SDK1: variants seen among roughly 807,000 people sequenced by gnomAD.
SDK1 encodes protein sidekick-1.
In SDK1, 157 loss-of-function variants were observed where a neutral mutation model predicts 245.5. That is an observed-to-expected ratio of 0.64 (90% CI 0.56 to 0.73). SDK1 has a LOEUF of 0.73. SDK1 is among the 30% of genes least tolerant of loss of function. The pLI is 0.00. For synonymous variants in SDK1, 1,647 were observed against 1,278.5 expected, an observed-to-expected ratio of 1.29 and a Z score of -6.15; for missense variants, 3,583 against 3,002.3, an observed-to-expected ratio of 1.19 and a Z score of -4.52.
chr7:3,564,246 CATGAT>C (rs1464685030), intron 1 of SDK1, among the ~76,000 whole-genome samples: 1 of 152,014 alleles, frequency 6.6e-6, no homozygotes, highest in Admixed American at 6.5e-5. Context: ...TAACACCTGA[CATGAT>C]AGAGAAGGTT....
rs1782309307 is a variant in SDK1, at chr7:3,969,333, GC to G, written c.1626del (p.Val543SerfsTer20). On this transcript the variant is annotated frameshift_variant, in exon 11 of 45. Transcript: ENST00000404826. LOFTEE classifies it high-confidence loss of function. ...TTGAATCGGGGGGTCTACAGATCGC[GC>G]CCGTCTTCATCCAGGATGCCGGCAA... ...LLESGGLQIA[P>X]VFIQDAGNYT... The G allele has an allele frequency of 6.2e-7, 1 of 1,610,860 alleles. No individual in the cohort carries two copies.
intron 1 of SDK1, among the ~76,000 whole-genome samples, chr7:3,414,301 G>T (rs1779299591): frequency 6.6e-6 from 1 of 152,106 alleles, no homozygotes. Context: ...TGGAGAATGT[G>T]ACGGAATGGA....
chr7:3,631,354 C>G (rs565703430), intron 2 of SDK1, among the ~76,000 whole-genome samples: 1 of 152,114 alleles, frequency 6.6e-6, no homozygotes, highest in African/African-American at 2.4e-5. Flanking sequence ...ATCACCCAAC[C>G]TAATTGTGTG....
chr7:4,090,540 G>T (rs1456291255), intron 22 of SDK1, among the ~76,000 whole-genome samples: 3 of 152,250 alleles, frequency 2.0e-5, no homozygotes, highest in South Asian at 2.1e-4. Context: ...TGGCGATTTG[G>T]GGGTGGCGGG....
intron 1 of SDK1, among the ~76,000 whole-genome samples, chr7:3,370,598 G>A (rs1223127912): frequency 3.9e-5 from 6 of 152,120 alleles, no homozygotes; most frequent in African/African-American, 7.2e-5. Flanking sequence ...CCAAATTCTC[G>A]TTAAAACGTC....
At chr7:3,458,551 G>C (rs536245832) in intron 1 of SDK1, among the ~76,000 whole-genome samples, 5 of 140,802 alleles carry the variant, frequency 3.6e-5, no homozygotes, top group Non-Finnish European at 6.2e-5. Context: ...GTACTTTTTT[G>C]TACCTTTTCT....
chr7:3,657,965 A>T (rs1783241094), intron 4 of SDK1, among the ~76,000 whole-genome samples: 2 of 152,158 alleles, frequency 1.3e-5, no homozygotes, highest in African/African-American at 2.4e-5. Context: ...GTTTATGACA[A>T]AGTGGGTCTC....
chr7:3,600,171 T>C (rs1339558766), intron 1 of SDK1, among the ~76,000 whole-genome samples: 1 of 152,320 alleles, frequency 6.6e-6, no homozygotes, highest in East Asian at 1.9e-4. Flanking sequence ...TATATCATTC[T>C]CTTTGGAGTG....
chr7:3,576,781 C>T (rs1043160795), intron 1 of SDK1, among the ~76,000 whole-genome samples: 4 of 151,960 alleles, frequency 2.6e-5, no homozygotes, highest in Non-Finnish European at 5.9e-5. Flanking sequence ...CATTTTGTTC[C>T]TGATGCTTCC....
rs140015164 is a variant in SDK1 at position 4,154,338 on chromosome 7, A to G, written c.4626-4110A>G. ...CAAGTTCAGAGAGTGAGGGTCCTGT[A>G]TTACCCAAATTATTTATTTCCTGAG... On this transcript the variant is annotated intron_variant, in intron 30 of 44. Coordinates refer to ENST00000404826, the MANE Select transcript of SDK1 (RefSeq NM_152744.4). Among the ~76,000 whole-genome samples, 915 of 152,318 alleles carry G rather than the reference A, an allele frequency of 6.0e-3. 28 individuals are homozygous for G. The highest frequency in any genetic ancestry group is 1.7e-3 in the Non-Finnish European group (114 of 68,036).
chr7:3,647,101 T>A (rs1282144664), intron 4 of SDK1, among the ~76,000 whole-genome samples: 1 of 152,180 alleles, frequency 6.6e-6, no homozygotes, highest in African/African-American at 2.4e-5. Flanking sequence ...ATAATTAATC[T>A]TAGGCCACGG....
At chr7:3,522,151 A>C (rs928712908) in intron 1 of SDK1, among the ~76,000 whole-genome samples, 1 of 152,100 alleles carries the variant, frequency 6.6e-6, no homozygotes, top group Admixed American at 6.6e-5. Context: ...ATTGTATACA[A>C]TAACTTTTTT....
chr7:3,471,418 C>T (rs1415507895), intron 1 of SDK1, among the ~76,000 whole-genome samples: 1 of 152,050 alleles, frequency 6.6e-6, no homozygotes, highest in Non-Finnish European at 1.5e-5. Context: ...TTATCATCTC[C>T]TGATATTGTA....
intron 19 of SDK1, among the ~76,000 whole-genome samples, chr7:4,062,081 A>T (rs1312538150): frequency 6.6e-6 from 1 of 151,796 alleles, no homozygotes; most frequent in African/African-American, 2.4e-5. Context: ...ATGTATACAT[A>T]TGTAACTAAC....
chr7:3,333,389 C>T (rs1780118770), intron 1 of SDK1, among the ~76,000 whole-genome samples: 1 of 152,084 alleles, frequency 6.6e-6, no homozygotes, highest in African/African-American at 2.4e-5. Flanking sequence ...CATTTCATAA[C>T]CTTATGTTGC....
chr7:4,048,039 A>G (rs1789147318), intron 17 of SDK1, among the ~76,000 whole-genome samples: 1 of 152,124 alleles, frequency 6.6e-6, no homozygotes, highest in Non-Finnish European at 1.5e-5. Context: ...CATGCCTGGG[A>G]AGAGAAGACT....
At chr7:4,211,186 C>T (rs1172344835) in intron 38 of SDK1, among the ~76,000 whole-genome samples, 4 of 152,342 alleles carry the variant, frequency 2.6e-5, no homozygotes, top group African/African-American at 9.6e-5. Flanking sequence ...TATCGTTCAT[C>T]TCCACACTTC....
chr7:3,398,954 T>C (rs887200309), intron 1 of SDK1, among the ~76,000 whole-genome samples: 7 of 152,054 alleles, frequency 4.6e-5, no homozygotes, highest in Non-Finnish European at 1.0e-4. Context: ...TATCTAAGAA[T>C]TGTCCATGTT....
chr7:3,386,528 G>A (rs2128568565), intron 1 of SDK1, among the ~76,000 whole-genome samples: 1 of 152,296 alleles, frequency 6.6e-6, no homozygotes, highest in South Asian at 2.1e-4. Context: ...TACTCATGAT[G>A]TTTGAATTAT....
Sources: gnomAD v4.1 joint callset for allele counts (sites outside exome capture counted in the v4.1 genomes callset) on GRCh38, gnomAD v4.1.1 for gene constraint, MANE v1.5 for transcripts, NCBI Gene and HGNC (gene_info 2026-07-23, HGNC 2026-07-21) for gene names.